TTC9: variants seen among roughly 807,000 people sequenced by gnomAD.
The protein encoded by TTC9 is tetratricopeptide repeat protein 9A.
TTC9 carries 13 observed loss-of-function variants against 22.9 expected under a neutral mutation model. The observed-to-expected ratio is 0.57, with a 90% CI of 0.37 to 0.90. The LOEUF is 0.90. Ranked by LOEUF, TTC9 falls within the 40% of genes least tolerant of loss-of-function variation. TTC9 has a pLI of 0.01. For synonymous variants in TTC9, 148 were observed against 133.2 expected (o/e 1.11, Z -0.77); for missense variants, 280 against 291.8 (o/e 0.96, Z 0.29).
intron 2 of TTC9, among the ~76,000 whole-genome samples, chr14:70,669,369 T>C (rs945518655): frequency 6.6e-6 from 1 of 151,998 alleles, no homozygotes; most frequent in East Asian, 1.9e-4. Flanking sequence ...GACTTCCGCC[T>C]CTTGGGCTCA....
rs949637112 is a variant in TTC9, at chr14:70,642,158, C to G, written c.29C>G (p.Ala10Gly). The G allele has an allele frequency of 1.7e-6, 2 of 1,184,154 alleles. No homozygotes were observed. The highest frequency in any genetic ancestry group is 3.3e-5 in the African/African-American group (2 of 61,310). The allele number at this position is 1,184,154 out of a possible 1,614,324, so 73.4% of individuals were successfully genotyped here. MERKGSAAG[A>G]KGNPSPPAAG... Reference sequence around the variant, plus strand: ...GAGAGAAAGGGCTCGGCGGCCGGGGCCAAGGGGAACCCGAGCCCGCCCGCG... The same window carrying G: ...GAGAGAAAGGGCTCGGCGGCCGGGGGCAAGGGGAACCCGAGCCCGCCCGCG... The change falls in exon 1 of 3, where the codon GCC (alanine) becomes GGC (glycine). Residue 10 changes from alanine to glycine, a missense_variant. This residue lies in a region of TTC9 where 49 missense variants were observed against 39.8 expected (regional missense o/e 1.23). Transcript: ENST00000256367.
At chr14:70,662,173 A>G (rs1886152899) in intron 1 of TTC9, among the ~76,000 whole-genome samples, 1 of 152,162 alleles carries the variant, frequency 6.6e-6, no homozygotes, top group Non-Finnish European at 1.5e-5. Context: ...GCCCTTTGCC[A>G]TGCATCTTCC....
chr14:70,668,397 G>T (rs1886244809), intron 2 of TTC9, among the ~76,000 whole-genome samples: 1 of 151,994 alleles, frequency 6.6e-6, no homozygotes, highest in Admixed American at 6.5e-5. Context: ...ATTGTAAGTG[G>T]GAAAAAAAAG....
chr14:70,647,332 C>T (rs1022695741), intron 1 of TTC9, among the ~76,000 whole-genome samples: 1 of 152,170 alleles, frequency 6.6e-6, no homozygotes, highest in African/African-American at 2.4e-5. Flanking sequence ...CATATGTGCA[C>T]TTTCCACCAG....
chr14:70,643,298 AG>A (rs1410126833), intron 1 of TTC9, among the ~76,000 whole-genome samples: 1 of 152,222 alleles, frequency 6.6e-6, no homozygotes, highest in East Asian at 1.9e-4. Context: ...TCTTGGGCAA[AG>A]AAGGTGTACA....
At chr14:70,649,445 A>G (rs181153669) in intron 1 of TTC9, among the ~76,000 whole-genome samples, 291 of 152,196 alleles carry the variant, frequency 1.9e-3, no homozygotes, top group Middle Eastern at 3.4e-3. Context: ...GAACTTATGT[A>G]TATATAATTT....
rs561099987 is a variant in TTC9 at position 70,651,874 on chromosome 14, G to A, written c.406+9339G>A. ...GCCAGAGCAGCCGGAGCACCCGGAA[G>A]GAAGCTCAGTCATTCCATTCATTGG... On this transcript the variant is annotated intron_variant, in intron 1 of 2. Transcript: ENST00000256367. Among the ~76,000 whole-genome samples, 31 of 152,178 alleles carry A rather than the reference G, an allele frequency of 2.0e-4. 1 individual carries two copies. Among genetic ancestry groups the A allele is most frequent in the Non-Finnish European group, 2.8e-4 (19 of 68,018 alleles).
At chr14:70,663,015 T>C (rs1378198880) in intron 1 of TTC9, among the ~76,000 whole-genome samples, 1 of 152,140 alleles carries the variant, frequency 6.6e-6, no homozygotes, top group Non-Finnish European at 1.5e-5. Flanking sequence ...CCACTTACAT[T>C]GATCTGTTTT....
chr14:70,660,546 C>T (rs1250283649), intron 1 of TTC9, among the ~76,000 whole-genome samples: 3 of 152,206 alleles, frequency 2.0e-5, no homozygotes, highest in Non-Finnish European at 4.4e-5. Flanking sequence ...TTAATTATCT[C>T]ATTTCATCAT....
Position 70,642,142 on chromosome 14 carries a change from G to C in TTC9, c.13G>C (p.Gly5Arg). The change falls in exon 1 of 3, where the codon GGC (glycine) becomes CGC (arginine). Residue 5 changes from glycine to arginine, a missense_variant. Physicochemically the swap from Gly to Arg is moderately radical, Grantham distance 125 (BLOSUM62 -2). This residue lies in a region of TTC9 where 49 missense variants were observed against 39.8 expected (regional missense o/e 1.23). Coordinates refer to ENST00000256367, the MANE Select transcript of TTC9 (RefSeq NM_015351.2). ...GGGCGGCGGCCGAATGGAGAGAAAG[G>C]GCTCGGCGGCCGGGGCCAAGGGGAA... is the stretch of plus-strand genomic sequence containing the variant. The part of the protein sequence containing the change: MERK[G>R]SAAGAKGNPS... The C allele has an allele frequency of 8.6e-7, 1 of 1,156,384 alleles. No homozygotes were observed. The highest frequency in any genetic ancestry group is 1.1e-6 in the Non-Finnish European group (1 of 935,188). The allele number at this position is 1,156,384 out of a possible 1,614,324, so 71.6% of individuals were successfully genotyped here.
At chr14:70,648,505 G>A (rs539300018) in intron 1 of TTC9, among the ~76,000 whole-genome samples, 2 of 152,176 alleles carry the variant, frequency 1.3e-5, no homozygotes, top group East Asian at 3.8e-4. Context: ...CCCCCTCCAA[G>A]GCAAGGAAAT....
rs1436583306 is a variant in TTC9 at position 70,674,762 on chromosome 14, T to C, written c.*3607T>C. Reference sequence around the variant, plus strand: ...AATAATATCACGAACATTTTCGGCATATCAAACTTTCTCAACAGCATCTTC... The same window carrying C: ...AATAATATCACGAACATTTTCGGCACATCAAACTTTCTCAACAGCATCTTC... On this transcript the variant is annotated 3_prime_UTR_variant, in exon 3 of 3. Transcript: ENST00000256367. The C allele has an allele frequency of 1.3e-5, 2 of 152,264 alleles. No homozygotes were observed. The allele number at this position is 152,264 out of a possible 1,614,324, so 9.4% of individuals were successfully genotyped here.
intron 1 of TTC9, among the ~76,000 whole-genome samples, chr14:70,650,313 C>G (rs1885965228): frequency 6.6e-6 from 1 of 152,068 alleles, no homozygotes; most frequent in Non-Finnish European, 1.5e-5. Context: ...ATCCCAGCTA[C>G]TGGGGAGGCT....
At chr14:70,662,721 G>C (rs1255623238) in intron 1 of TTC9, among the ~76,000 whole-genome samples, 1 of 152,218 alleles carries the variant, frequency 6.6e-6, no homozygotes, top group East Asian at 1.9e-4. Flanking sequence ...ATGTTGGCTA[G>C]TGGCAAAGAT....
chr14:70,642,542 C>T lies in TTC9; in HGVS notation c.406+7C>T. Reference sequence around the variant, plus strand: ...TGTTACAACAGCCTGGCAGGTGAGCCGCGCCGCGCCCCCCGCGCCGCGGTC... The same window carrying T: ...TGTTACAACAGCCTGGCAGGTGAGCTGCGCCGCGCCCCCCGCGCCGCGGTC... On this transcript the variant is annotated splice_region_variant and intron_variant, in intron 1 of 2. Transcript: ENST00000256367. The T allele has an allele frequency of 6.5e-7, 1 of 1,533,408 alleles. No homozygotes were observed. The highest frequency in any genetic ancestry group is 8.8e-7 in the Non-Finnish European group (1 of 1,141,026). 95.0% of individuals were successfully genotyped at this position (1,533,408 alleles called of 1,614,324 possible). A position where few individuals can be genotyped will look rare whatever the true frequency, so the allele number is the denominator to read the frequency against.
chr14:70,662,710 A>C (rs1345896431), intron 1 of TTC9, among the ~76,000 whole-genome samples: 1 of 152,244 alleles, frequency 6.6e-6, no homozygotes, highest in African/African-American at 2.4e-5. Context: ...TAATTTTCAT[A>C]ATGTTGGCTA....
chr14:70,654,522 G>A (rs1314137446), intron 1 of TTC9, among the ~76,000 whole-genome samples: 6 of 146,396 alleles, frequency 4.1e-5, no homozygotes, highest in Admixed American at 1.4e-4. Flanking sequence ...ACCTGGGGGC[G>A]GAGGTTGCAG....
chr14:70,671,452 T>C lies in TTC9; in HGVS notation c.*297T>C. ...AGAGGAGTCTCATGGGCTGGGATGC[T>C]GTTGTGGCTTTGACTTTGGCCAGTG... On this transcript the variant is annotated 3_prime_UTR_variant, in exon 3 of 3. Transcript: ENST00000256367. 3.1e-6 allele frequency: 1 copy of C among 322,962 alleles called. No homozygotes were observed. 20.0% of individuals were successfully genotyped at this position (322,962 alleles called of 1,614,324 possible). A position where few individuals can be genotyped will look rare whatever the true frequency, so the allele number is the denominator to read the frequency against.
chr14:70,653,253 G>A (rs1012036147), intron 1 of TTC9, among the ~76,000 whole-genome samples: 1 of 152,042 alleles, frequency 6.6e-6, no homozygotes, highest in Non-Finnish European at 1.5e-5. Flanking sequence ...AAAATATAGG[G>A]AAAGAGAGAG....
Sources: allele counts gnomAD v4.1 joint callset (sites outside exome capture counted in the v4.1 genomes callset), GRCh38; gene constraint gnomAD v4.1.1; regional missense constraint gnomAD v4.1.1; transcripts MANE v1.5; gene names NCBI Gene and HGNC (gene_info 2026-07-23, HGNC 2026-07-21).